SGCZ: variants seen among roughly 807,000 people sequenced by gnomAD.
SGCZ encodes the protein zeta-sarcoglycan.
In SGCZ, 40 loss-of-function variants were observed where a neutral mutation model predicts 41.3. The observed-to-expected ratio is 0.97, with a 90% CI of 0.75 to 1.26. The LOEUF (loss-of-function observed/expected upper bound fraction) is 1.26. Among genes scored for constraint, SGCZ ranks in the 50% most tolerant of loss-of-function variants. The pLI is 0.00. For missense variants in SGCZ, 552 were observed against 369.8 expected (o/e 1.49, Z -4.04); for synonymous variants, 206 against 137.5 (o/e 1.50, Z -3.49).
At chr8:15,152,054 G>T (rs1012625593) in intron 1 of SGCZ, among the ~76,000 whole-genome samples, 3 of 152,116 alleles carry the variant, frequency 2.0e-5, no homozygotes, top group Admixed American at 2.0e-4. Flanking sequence ...AATAATAAAA[G>T]GGGTGTTTTA....
intron 4 of SGCZ, among the ~76,000 whole-genome samples, chr8:14,207,359 C>T (rs1288472049): frequency 1.3e-5 from 2 of 152,182 alleles, no homozygotes; most frequent in East Asian, 3.8e-4. Flanking sequence ...TTATCATATT[C>T]TGCCATGACA....
chr8:14,325,741 CACACACATATATATATAT>C (rs1226817127), intron 2 of SGCZ, among the ~76,000 whole-genome samples: 7 of 32,068 alleles, frequency 2.2e-4, no homozygotes, highest in South Asian at 1.3e-3. Context: ...CACACACACA[CACACACATATATATATAT>C]ATATATATAT....
intron 2 of SGCZ, among the ~76,000 whole-genome samples, chr8:14,428,248 T>A (rs1485030664): frequency 1.3e-5 from 2 of 151,878 alleles, no homozygotes; most frequent in East Asian, 3.9e-4. Context: ...ACCTATATAA[T>A]ATGTAGGGTA....
intron 1 of SGCZ, among the ~76,000 whole-genome samples, chr8:14,636,688 G>A (rs1806839194): frequency 6.6e-6 from 1 of 151,194 alleles, no homozygotes; most frequent in Admixed American, 6.6e-5. Context: ...AGGAAGGAAG[G>A]CATATATAGA....
chr8:14,748,769 T>C (rs1035494537), intron 1 of SGCZ, among the ~76,000 whole-genome samples: 1 of 152,148 alleles, frequency 6.6e-6, no homozygotes, highest in Non-Finnish European at 1.5e-5. Flanking sequence ...AAATAAATTA[T>C]AGTATCCATT....
At chr8:14,178,640 C>T (rs1029031765) in intron 4 of SGCZ, among the ~76,000 whole-genome samples, 7 of 152,116 alleles carry the variant, frequency 4.6e-5, no homozygotes, top group Non-Finnish European at 1.0e-4. Context: ...GCAAAGATGC[C>T]CATGTGTTTA....
intron 2 of SGCZ, among the ~76,000 whole-genome samples, chr8:14,464,191 TGTTA>T (rs966003508): frequency 6.6e-6 from 1 of 151,676 alleles, no homozygotes; most frequent in Non-Finnish European, 1.5e-5. Context: ...GAAGAATTGA[TGTTA>T]GTTATTCTTT....
chr8:14,866,979 T>C (rs1347501209), intron 1 of SGCZ, among the ~76,000 whole-genome samples: 2 of 152,074 alleles, frequency 1.3e-5, no homozygotes, highest in Non-Finnish European at 2.9e-5. Context: ...AGGATACATG[T>C]ATATGTAGAG....
chr8:14,339,064 A>C lies in SGCZ; in HGVS notation c.235-14860T>G, dbSNP rs558489080. 4.6e-5 allele frequency among the ~76,000 whole-genome samples: 7 copies of C among 152,278 alleles called. No homozygotes were observed. The South Asian group carries it at 1.5e-3, about 32-fold the overall frequency. On this transcript the variant is annotated intron_variant, in intron 2 of 7. Transcript: ENST00000382080. ...CAAGTGGGAAGAAAATTAGTAAAAA[A>C]GGATATTCATGTTGACAACTATAAC...
Position 15,058,868 on chromosome 8 carries a change from T to C in SGCZ, c.39+178717A>G, listed in dbSNP as rs573572848. Among the ~76,000 whole-genome samples the C allele has an allele frequency of 1.6e-4, 25 of 152,304 alleles. No homozygotes were observed. In the South Asian group the frequency reaches 4.8e-3, roughly 29 times the overall value. ...TATCCTTAGTATATCCAAATGTATG[T>C]TATACACATAGATAGAATATTGTAT... On this transcript the variant is annotated intron_variant, in intron 1 of 7. Transcript: ENST00000382080.
intron 1 of SGCZ, among the ~76,000 whole-genome samples, chr8:14,998,894 G>A (rs1019629700): frequency 2.6e-5 from 4 of 152,208 alleles, no homozygotes; most frequent in African/African-American, 9.7e-5. Flanking sequence ...CTGAGCCAAA[G>A]AGGATCACTA....
chr8:14,831,854 A>ATGTGTGC (rs1480626198), intron 1 of SGCZ, among the ~76,000 whole-genome samples: 1 of 151,810 alleles, frequency 6.6e-6, no homozygotes, highest in African/African-American at 2.4e-5. Context: ...ACATGTATAT[A>ATGTGTGC]AGTATGTATA....
intron 3 of SGCZ, among the ~76,000 whole-genome samples, chr8:14,293,498 A>T (rs1442651535): frequency 6.6e-6 from 1 of 152,018 alleles, no homozygotes; most frequent in Non-Finnish European, 1.5e-5. Flanking sequence ...AATGTCATTC[A>T]GTTACTTAGA....
intron 1 of SGCZ, among the ~76,000 whole-genome samples, chr8:14,816,022 G>A (rs1244315597): frequency 6.6e-6 from 1 of 152,128 alleles, no homozygotes; most frequent in Non-Finnish European, 1.5e-5. Flanking sequence ...AATAAAATGA[G>A]GCCAGTGAAA....
chr8:14,282,314 C>A (rs1446088863), intron 3 of SGCZ, among the ~76,000 whole-genome samples: 2 of 151,234 alleles, frequency 1.3e-5, no homozygotes, highest in East Asian at 3.9e-4. Flanking sequence ...TCACTCCACA[C>A]TCACATTACC....
chr8:14,235,322 G>C (rs1334110211), intron 4 of SGCZ, among the ~76,000 whole-genome samples: 3 of 152,140 alleles, frequency 2.0e-5, no homozygotes, highest in Non-Finnish European at 2.9e-5. Flanking sequence ...AAAGGACCAG[G>C]ATATTAAATA....
chr8:14,099,650 A>AG (rs1323224075), intron 7 of SGCZ, among the ~76,000 whole-genome samples: 1 of 152,030 alleles, frequency 6.6e-6, no homozygotes, highest in East Asian at 1.9e-4. Flanking sequence ...GCTTGAACCC[A>AG]GGGGGTGGAG....
At chr8:14,341,343 G>C (rs1486339891) in intron 2 of SGCZ, among the ~76,000 whole-genome samples, 2 of 152,210 alleles carry the variant, frequency 1.3e-5, no homozygotes, top group South Asian at 2.1e-4. Flanking sequence ...TTGCGTAATT[G>C]TGTACTGTAT....
intron 3 of SGCZ, among the ~76,000 whole-genome samples, chr8:14,317,893 G>A (rs1167336523): frequency 6.6e-6 from 1 of 151,486 alleles, no homozygotes; most frequent in Non-Finnish European, 1.5e-5. Flanking sequence ...GGATTATTAA[G>A]TTTATTTTGA....
Sources: allele counts gnomAD v4.1 joint callset (sites outside exome capture counted in the v4.1 genomes callset), GRCh38; gene constraint gnomAD v4.1.1; transcripts MANE v1.5; gene names NCBI Gene and HGNC (gene_info 2026-07-23, HGNC 2026-07-21).